Variants in HNRNPUL1 observed in about 807,000 individuals in gnomAD.
HNRNPUL1 encodes the protein heterogeneous nuclear ribonucleoprotein U-like protein 1.
A neutral mutation model predicts 108.5 loss-of-function variants in HNRNPUL1; 14 were observed. That is an observed-to-expected ratio of 0.13 (90% confidence interval 0.09 to 0.20). The LOEUF is 0.20. HNRNPUL1 is among the 10% of genes least tolerant of loss of function. HNRNPUL1 has a pLI of 1.00. For missense variants in HNRNPUL1, 804 were observed against 1,168.3 expected (o/e 0.69, Z 4.55); for synonymous variants, 422 against 445.2 (o/e 0.95, Z 0.66).
At chr19:41,263,040 CA>C (rs761873641), upstream of HNRNPUL1, 2,382 of 59,194 alleles carry the variant, frequency 0.04, 37 homozygotes, top group African/African-American at 0.15. Context: ...GACTCCGTCT[CA>C]AAAAAAAAAA....
At chr19:41,287,740 A>G (rs1339992123) in intron 7 of HNRNPUL1, among the ~76,000 whole-genome samples, 1 of 152,012 alleles carries the variant, frequency 6.6e-6, no homozygotes, top group Admixed American at 6.6e-5. Context: ...TTGTATTTTT[A>G]GTAGAGTCGG....
chr19:41,305,848 G>A lies in HNRNPUL1; in HGVS notation c.2435G>A (p.Ser812Asn), dbSNP rs1322962166. 1 of 1,565,992 alleles carries A rather than the reference G, an allele frequency of 6.4e-7. No individual in the cohort carries two copies. The highest frequency in any genetic ancestry group is 8.7e-7 in the Non-Finnish European group (1 of 1,151,064). ...PPTAQTYPQP[S>N]YNQYQQYAQQ... ...ACTGCACAGACCTACCCTCAGCCCA[G>A]CTATAACCAGTATCAGCAGGTAGGT... The change falls in exon 14 of 15, where the codon AGC (serine) becomes AAC (asparagine). Residue 812 changes from serine (S) to asparagine (N), a missense_variant. Ser to Asn is a conservative substitution (Grantham distance 46). Coordinates refer to ENST00000392006, the MANE Select transcript of HNRNPUL1 (RefSeq NM_007040.6).
intron 4 of HNRNPUL1, among the ~76,000 whole-genome samples, chr19:41,275,288 G>C (rs537882914): frequency 7.2e-5 from 11 of 152,244 alleles, no homozygotes; most frequent in Non-Finnish European, 1.5e-4. Context: ...CTAAAAACTA[G>C]TTTGAGCCTG....
upstream of HNRNPUL1, chr19:41,264,278 C>G (rs915274824): frequency 9.5e-5 from 38 of 398,892 alleles, no homozygotes; most frequent in East Asian, 1.3e-3. Flanking sequence ...GGCTAGGTTT[C>G]CGGGCCCGCG....
At chr19:41,265,484 C>T (rs2122362480) in intron 1 of HNRNPUL1, 1 of 1,148,704 alleles carries the variant, frequency 8.7e-7, no homozygotes. Context: ...CATCTCTCTT[C>T]CGGGGCTGGA....
chr19:41,305,687 C>T lies in HNRNPUL1; in HGVS notation c.2274C>T (p.Ser758=). Residue 758 remains serine, a synonymous_variant, in exon 14 of 15, where the codon AGC becomes AGT. Coordinates refer to ENST00000392006, the MANE Select transcript of HNRNPUL1 (RefSeq NM_007040.6). ...SSYSPPQPSY[S]QPPYNQGGYS... ...CCTCCACTTTCCAGCCGAGTTACAG[C>T]CAGCCACCCTACAACCAGGGAGGTT... 3 of 1,614,156 alleles carry T rather than the reference C, an allele frequency of 1.9e-6. No individual in the cohort carries two copies. Among genetic ancestry groups the T allele is most frequent in the South Asian group, 1.1e-5 (1 of 91,088 alleles).
At chr19:41,300,364 T>A (rs2037134733) in intron 10 of HNRNPUL1, among the ~76,000 whole-genome samples, 1 of 151,964 alleles carries the variant, frequency 6.6e-6, no homozygotes, top group South Asian at 2.1e-4. Context: ...CTTTACAGAC[T>A]GTTTTCCCCA....
At chr19:41,282,943 C>T (rs947267111) in intron 7 of HNRNPUL1, among the ~76,000 whole-genome samples, 99 of 152,122 alleles carry the variant, frequency 6.5e-4, no homozygotes, top group Admixed American at 3.7e-3. Context: ...ATCCGCCCGC[C>T]TCGGCCTCCC....
At chr19:41,299,181 C>T (rs2037055323) in intron 10 of HNRNPUL1, among the ~76,000 whole-genome samples, 1 of 152,096 alleles carries the variant, frequency 6.6e-6, no homozygotes, top group Non-Finnish European at 1.5e-5. Flanking sequence ...CTTTGTGGGC[C>T]GGTGTCCAAG....
Position 41,264,641 on chromosome 19 carries a change from G to A in HNRNPUL1, c.138G>A (p.Arg46=). The A allele has an allele frequency of 1.9e-6, 3 of 1,585,430 alleles. No individual in the cohort carries two copies. The highest frequency in any genetic ancestry group is 2.6e-6 in the Non-Finnish European group (3 of 1,173,488). The change falls in exon 1 of 15, where the codon CGG becomes CGA. Residue 46 remains arginine (R), a synonymous_variant. Coordinates refer to ENST00000392006, the MANE Select transcript of HNRNPUL1 (RefSeq NM_007040.6). ...AGGCCGAGGAGCCTGACGACGAGCG[G>A]GAGCTCGACGCCGACGACGAACCGG... is the stretch of plus-strand genomic sequence containing the variant. The part of the protein sequence containing the change: ...ALEAEEPDDE[R]ELDADDEPGR...
chr19:41,272,247 A>T lies in HNRNPUL1; in HGVS notation c.572+12A>T. 13 of 1,611,520 alleles carry T rather than the reference A, an allele frequency of 8.1e-6. No homozygotes were observed. The highest frequency in any genetic ancestry group is 1.1e-5 in the Non-Finnish European group (13 of 1,179,178). ...CGAGAGGATAGGAGGTGGGTGTATG[A>T]GGCAGCAGTCACCCTTGCTCTGGTA... On this transcript the variant is annotated intron_variant, in intron 3 of 14. Transcript: ENST00000392006.
At chr19:41,303,846 T>C (rs2037384618) in intron 12 of HNRNPUL1, 126 bp from the exon 13 acceptor site, 2 of 1,159,556 alleles carry the variant, frequency 1.7e-6, no homozygotes, top group Non-Finnish European at 2.5e-6. Flanking sequence ...CATGCTTTGT[T>C]GTTCACCTTG....
intron 10 of HNRNPUL1, among the ~76,000 whole-genome samples, chr19:41,300,606 T>C (rs1895020758): frequency 6.6e-6 from 1 of 152,176 alleles, no homozygotes; most frequent in African/African-American, 2.4e-5. Flanking sequence ...GCTGAGTCTA[T>C]GGAACCCTGA....
intron 7 of HNRNPUL1, among the ~76,000 whole-genome samples, chr19:41,286,946 G>C (rs371496172): frequency 3.3e-5 from 5 of 151,786 alleles, no homozygotes; most frequent in African/African-American, 4.8e-5. Context: ...TCGAACTCCT[G>C]ACCTCAGATG....
intron 6 of HNRNPUL1, 98 bp downstream of exon 6, chr19:41,279,274 A>G (rs777332520): frequency 3.3e-5 from 27 of 806,588 alleles, no homozygotes; most frequent in Admixed American, 1.4e-4. Flanking sequence ...CGTCAGACTT[A>G]GAATAGAACT....
intron 6 of HNRNPUL1, among the ~76,000 whole-genome samples, chr19:41,279,917 T>C (rs2035805724): frequency 6.6e-6 from 1 of 152,234 alleles, no homozygotes; most frequent in Non-Finnish European, 1.5e-5. Flanking sequence ...CTACTTTGTA[T>C]AGCCTTGTTT....
At chr19:41,263,180 T>C (rs1433376844), upstream of HNRNPUL1, among the ~76,000 whole-genome samples, 1 of 152,108 alleles carries the variant, frequency 6.6e-6, no homozygotes, top group Non-Finnish European at 1.5e-5. Context: ...GCTTAACGTG[T>C]GGCTCAGGAG....
chr19:41,286,379 A>G (rs1354365878), intron 7 of HNRNPUL1: 3 of 152,136 alleles, frequency 2.0e-5, no homozygotes, highest in African/African-American at 7.2e-5. Flanking sequence ...TGCATACATC[A>G]TGTCTTCATT....
chr19:41,285,085 G>T (rs563564512), intron 7 of HNRNPUL1, among the ~76,000 whole-genome samples: 9 of 152,034 alleles, frequency 5.9e-5, no homozygotes, highest in Admixed American at 5.2e-4. Flanking sequence ...CAAAAGAAAG[G>T]GGAAAGATCT....
Sources: gnomAD v4.1 joint callset for allele counts (sites outside exome capture counted in the v4.1 genomes callset) on GRCh38, gnomAD v4.1.1 for gene constraint, MANE v1.5 for transcripts, NCBI Gene and HGNC (gene_info 2026-07-23, HGNC 2026-07-21) for gene names.